The following TIAM2 variants were observed in gnomAD, a reference collection of about 807,000 sequenced individuals.
The protein encoded by TIAM2 is rho guanine nucleotide exchange factor TIAM2.
Under a neutral mutation model 152.9 loss-of-function variants are expected in TIAM2, and 80 were observed. The observed-to-expected ratio is 0.52, with a 90% CI of 0.44 to 0.63. The LOEUF (loss-of-function observed/expected upper bound fraction) is 0.63. Ranked by LOEUF, TIAM2 falls within the 30% of genes least tolerant of loss-of-function variation. TIAM2 has a pLI of 0.00. For missense variants in TIAM2, 1,965 were observed against 2,120.1 expected (o/e 0.93, Z 1.44); for synonymous variants, 804 against 838.0 (o/e 0.96, Z 0.70).
Position 155,130,144 on chromosome 6 carries a change from C to G in TIAM2, c.921C>G (p.Asn307Lys). Residue 307 changes from asparagine to lysine, a missense_variant, in exon 4 of 27, where the codon AAC (asparagine) becomes AAG (lysine). Asn to Lys is a moderately conservative substitution (Grantham distance 94). Coordinates refer to ENST00000682666, the MANE Select transcript of TIAM2 (RefSeq NM_012454.4). ...SSLRELYKDA[N>K]LGSLSPSGIR... is the part of the protein sequence containing the mutation. Reference sequence around the variant, plus strand: ...TCCGGGAACTGTACAAAGATGCCAACCTGGGGAGCCTCTCCCCCTCAGGTA... The same window carrying G: ...TCCGGGAACTGTACAAAGATGCCAAGCTGGGGAGCCTCTCCCCCTCAGGTA... 7 of 1,614,194 alleles carry G rather than the reference C, an allele frequency of 4.3e-6. No individual in the cohort carries two copies. Among genetic ancestry groups the G allele is most frequent in the Non-Finnish European group, 5.9e-6 (7 of 1,180,040 alleles).
chr6:155,231,329 T>C (rs1267667709), intron 15 of TIAM2, among the ~76,000 whole-genome samples: 1 of 152,246 alleles, frequency 6.6e-6, no homozygotes, highest in Admixed American at 6.5e-5. Context: ...TGGAACTGTC[T>C]AGTCTAGAAG....
chr6:155,144,842 A>T, intron 6 of TIAM2, 64 bp downstream of exon 6: 1 of 1,503,772 alleles, frequency 6.6e-7, no homozygotes, highest in Non-Finnish European at 8.9e-7. Context: ...GAAGGAACAG[A>T]AAAGGCAAAA....
intron 2 of TIAM2, among the ~76,000 whole-genome samples, chr6:155,110,418 G>A (rs1707533103): frequency 6.7e-6 from 1 of 148,780 alleles, no homozygotes; most frequent in Non-Finnish European, 1.5e-5. Context: ...TCTGTTTAAA[G>A]CTCTAGTAGA....
In TIAM2 at chr6:155,206,992, T is replaced by G. The variant is rs145554055; in HGVS notation, c.3065-4212T>G. 3.4e-3 allele frequency among the ~76,000 whole-genome samples: 524 copies of G among 152,314 alleles called. 3 individuals carry two copies. Among genetic ancestry groups the G allele is most frequent in the African/African-American group, 0.012 (509 of 41,562 alleles). On this transcript the variant is annotated intron_variant, in intron 14 of 26. Coordinates refer to ENST00000682666, the MANE Select transcript of TIAM2 (RefSeq NM_012454.4). Reference sequence around the variant, plus strand: ...CAGGAAGCAAGTGCTTATTACTCTCTGATAAGGACAAAGAACCCCTAAAAC... The same window carrying G: ...CAGGAAGCAAGTGCTTATTACTCTCGGATAAGGACAAAGAACCCCTAAAAC...
intron 15 of TIAM2, among the ~76,000 whole-genome samples, chr6:155,226,563 C>G (rs1395209605): frequency 1.3e-5 from 2 of 151,316 alleles, no homozygotes; most frequent in Non-Finnish European, 2.9e-5. Context: ...TACTCAGGAG[C>G]CTGAGGCAGG....
chr6:155,164,367 G>A (rs1329618379), intron 7 of TIAM2, 48 bp from the exon 8 acceptor site: 2 of 1,532,348 alleles, frequency 1.3e-6, no homozygotes, highest in African/African-American at 1.4e-5. Flanking sequence ...GTTTTAACCT[G>A]TGAAAACTTT....
rs768114195 is a variant in TIAM2 at position 155,248,147 on chromosome 6, A to T, written c.3800A>T (p.Asp1267Val). 3 of 1,614,062 alleles carry T rather than the reference A, an allele frequency of 1.9e-6. No homozygotes were observed. The highest frequency in any genetic ancestry group is 2.5e-6 in the Non-Finnish European group (3 of 1,180,018). The change falls in exon 20 of 27, where the codon GAC (aspartate) becomes GTC (valine). Residue 1267 changes from aspartate (D) to valine (V), a missense_variant. Coordinates refer to ENST00000682666, the MANE Select transcript of TIAM2 (RefSeq NM_012454.4). The part of the protein sequence containing the change: ...LLLKELVSLT[D>V]QESEEHYHLT... The stretch of plus-strand genomic sequence containing the variant: ...CTCAAGGAGCTGGTGTCCCTGACGG[A>T]CCAGGAGAGCGAGGAGCACTACCAC...
intron 1 of TIAM2, among the ~76,000 whole-genome samples, chr6:155,070,310 T>A (rs1052150648): frequency 7.5e-6 from 1 of 133,852 alleles, no homozygotes; most frequent in African/African-American, 2.8e-5. Flanking sequence ...AACCTCTGCC[T>A]CCCGGGTTCA....
intron 15 of TIAM2, among the ~76,000 whole-genome samples, chr6:155,225,958 C>A (rs139039363): frequency 2.0e-5 from 3 of 152,282 alleles, no homozygotes; most frequent in Non-Finnish European, 2.9e-5. Flanking sequence ...CTTGGCAGTA[C>A]CCCTGCTTAA....
intron 19 of TIAM2, among the ~76,000 whole-genome samples, chr6:155,247,529 T>C (rs1451395665): frequency 6.6e-6 from 1 of 152,154 alleles, no homozygotes; most frequent in Non-Finnish European, 1.5e-5. Context: ...GGTTTCACCA[T>C]GTTGGCCAGG....
chr6:155,004,280 T>C (rs972984842), intron 1 of TIAM2, among the ~76,000 whole-genome samples: 26 of 152,190 alleles, frequency 1.7e-4, no homozygotes, highest in African/African-American at 6.3e-4. Context: ...TCTGTAGTCT[T>C]TCCAGAGTCT....
intron 1 of TIAM2, among the ~76,000 whole-genome samples, chr6:155,018,548 G>C (rs112154489): frequency 4.6e-5 from 7 of 151,486 alleles, no homozygotes; most frequent in African/African-American, 1.5e-4. Context: ...GAACCAGGGG[G>C]GCGGAACTTT....
At chr6:155,042,814 C>A (rs577112344) in intron 1 of TIAM2, among the ~76,000 whole-genome samples, 2 of 152,102 alleles carry the variant, frequency 1.3e-5, no homozygotes, top group Non-Finnish European at 2.9e-5. Context: ...AAGTATACAA[C>A]ACATTGTTAG....
chr6:155,144,031 T>C (rs1380809196), intron 5 of TIAM2, among the ~76,000 whole-genome samples: 1 of 152,184 alleles, frequency 6.6e-6, no homozygotes, highest in Non-Finnish European at 1.5e-5. Flanking sequence ...GATTACGTGA[T>C]TGACAGTTCC....
At chr6:155,081,900 C>T (rs1158063109) in intron 1 of TIAM2, among the ~76,000 whole-genome samples, 2 of 152,162 alleles carry the variant, frequency 1.3e-5, no homozygotes, top group African/African-American at 4.8e-5. Context: ...CCACCTTTTT[C>T]ATCAGCTGTT....
chr6:155,087,756 G>A (rs983809696), intron 1 of TIAM2, among the ~76,000 whole-genome samples: 1 of 151,974 alleles, frequency 6.6e-6, no homozygotes, highest in Non-Finnish European at 1.5e-5. Flanking sequence ...CTCAAAAAAT[G>A]AAATAAATAA....
intron 1 of TIAM2, among the ~76,000 whole-genome samples, chr6:155,061,179 CCATGTGTACACA>C (rs1238261672): frequency 6.6e-6 from 1 of 152,150 alleles, no homozygotes; most frequent in Admixed American, 6.6e-5. Flanking sequence ...GCATACTAAT[CCATGTGTACACA>C]CATTTATATC....
intron 1 of TIAM2, among the ~76,000 whole-genome samples, chr6:155,074,354 T>C (rs1777906158): frequency 6.6e-6 from 1 of 152,106 alleles, no homozygotes; most frequent in Admixed American, 6.6e-5. Flanking sequence ...TTTTTTTTGT[T>C]TGTTTTTTTG....
rs552254635 is a variant in TIAM2 at position 155,148,416 on chromosome 6, G to C, written c.2028+82G>C. 57 of 1,357,938 alleles carry C rather than the reference G, an allele frequency of 4.2e-5. No homozygotes were observed. The South Asian group carries it at 7.0e-4, about 17-fold the overall frequency. 84.1% of individuals were successfully genotyped at this position (1,357,938 alleles called of 1,614,324 possible). A position where few individuals can be genotyped will look rare whatever the true frequency, so the allele number is the denominator to read the frequency against. ...CTGAACGCATGCTGTCATCTTGGTG[G>C]TATTTCTTGGCTCACATCTTGGTGG... On this transcript the variant is annotated intron_variant, in intron 7 of 26. Transcript: ENST00000682666.
Sources: allele counts gnomAD v4.1 joint callset (sites outside exome capture counted in the v4.1 genomes callset), GRCh38; gene constraint gnomAD v4.1.1; transcripts MANE v1.5; gene names NCBI Gene and HGNC (gene_info 2026-07-23, HGNC 2026-07-21).